Variants in NRG3 observed in about 807,000 individuals in gnomAD.
The protein encoded by NRG3 is neuregulin 3, also known as pro-neuregulin-3, membrane-bound isoform.
In NRG3, 31 loss-of-function variants were observed where a neutral mutation model predicts 66.9. The ratio of observed to expected loss-of-function variants is 0.46; its 90% CI spans 0.35 to 0.63. The LOEUF (loss-of-function observed/expected upper bound fraction) is 0.63. NRG3 is among the 20% of genes least tolerant of loss of function. The pLI is 0.00. For synonymous variants in NRG3, 393 were observed against 359.4 expected (o/e 1.09, Z -1.06); for missense variants, 910 against 878.9 (o/e 1.04, Z -0.45).
intron 2 of NRG3, among the ~76,000 whole-genome samples, chr10:82,725,868 G>A (rs2057567422): frequency 6.6e-6 from 1 of 152,024 alleles, no homozygotes; most frequent in Admixed American, 6.5e-5. Context: ...CCCCTACTTG[G>A]TAACTCCTGT....
chr10:82,648,107 A>G (rs1220366511), intron 2 of NRG3, among the ~76,000 whole-genome samples: 2 of 151,422 alleles, frequency 1.3e-5, no homozygotes, highest in Non-Finnish European at 2.9e-5. Context: ...GGTACTGCCT[A>G]GGTTTTCTTC....
chr10:82,035,444 G>A (rs2062754057), intron 1 of NRG3, among the ~76,000 whole-genome samples: 1 of 152,084 alleles, frequency 6.6e-6, no homozygotes, highest in African/African-American at 2.4e-5. Flanking sequence ...TTTAATGAAA[G>A]TAGAAAATTT....
chr10:82,359,726 CTTTA>C (rs900486075), intron 2 of NRG3, among the ~76,000 whole-genome samples: 3 of 152,016 alleles, frequency 2.0e-5, no homozygotes, highest in Non-Finnish European at 4.4e-5. Context: ...CTTTTCTTCT[CTTTA>C]TTTACTCTTC....
At chr10:82,507,088 A>C (rs1001860240) in intron 2 of NRG3, among the ~76,000 whole-genome samples, 5 of 152,342 alleles carry the variant, frequency 3.3e-5, no homozygotes, top group Admixed American at 3.3e-4. Flanking sequence ...TATTAAGGAC[A>C]AAGGAGAATG....
intron 3 of NRG3, among the ~76,000 whole-genome samples, chr10:82,754,196 T>C (rs1412180704): frequency 4.6e-5 from 7 of 151,910 alleles, no homozygotes; most frequent in Non-Finnish European, 2.9e-5. Context: ...AATGAAAAGA[T>C]ACATAATGAA....
At chr10:82,333,610 T>C (rs1252858463) in intron 1 of NRG3, among the ~76,000 whole-genome samples, 1 of 152,236 alleles carries the variant, frequency 6.6e-6, no homozygotes, top group African/African-American at 2.4e-5. Flanking sequence ...TGTATGCTTA[T>C]ATCATTGATG....
intron 2 of NRG3, among the ~76,000 whole-genome samples, chr10:82,495,859 G>A (rs1386366193): frequency 1.4e-5 from 2 of 147,600 alleles, no homozygotes; most frequent in African/African-American, 5.1e-5. Context: ...CAAAATGCTG[G>A]TGTCCTGCCA....
intron 2 of NRG3, among the ~76,000 whole-genome samples, chr10:82,666,124 T>C (rs1280020291): frequency 6.6e-6 from 1 of 152,080 alleles, no homozygotes; most frequent in Non-Finnish European, 1.5e-5. Context: ...TGCCTCCCAA[T>C]GGCTACTACT....
intron 2 of NRG3, among the ~76,000 whole-genome samples, chr10:82,655,501 T>C (rs1341081993): frequency 6.6e-6 from 1 of 152,140 alleles, no homozygotes; most frequent in Non-Finnish European, 1.5e-5. Context: ...TTCATCCAAT[T>C]GACAGTTGTT....
chr10:82,112,417 T>C (rs1415541952), intron 1 of NRG3, among the ~76,000 whole-genome samples: 4 of 152,086 alleles, frequency 2.6e-5, no homozygotes, highest in Admixed American at 6.6e-5. Context: ...ACAGGCCTCA[T>C]AGGAATCAAA....
intron 1 of NRG3, among the ~76,000 whole-genome samples, chr10:82,252,798 A>C (rs1396868004): frequency 6.6e-6 from 1 of 152,166 alleles, no homozygotes; most frequent in Admixed American, 6.6e-5. Flanking sequence ...AATAGTGGGT[A>C]CAGAATAATG....
At chr10:82,833,883 A>G (rs1176425146) in intron 3 of NRG3, among the ~76,000 whole-genome samples, 1 of 152,216 alleles carries the variant, frequency 6.6e-6, no homozygotes, top group Non-Finnish European at 1.5e-5. Context: ...AAAGAAAGGA[A>G]TATGGCCAAT....
intron 1 of NRG3, among the ~76,000 whole-genome samples, chr10:82,166,304 CCA>C (rs1311957487): frequency 1.3e-5 from 2 of 152,216 alleles, no homozygotes; most frequent in Non-Finnish European, 1.5e-5. Context: ...CAGGCATGAG[CCA>C]CCAGGTCCGG....
At chr10:81,937,860 T>TTTTATAG (rs1380708916) in intron 1 of NRG3, among the ~76,000 whole-genome samples, 1 of 152,120 alleles carries the variant, frequency 6.6e-6, no homozygotes, top group Non-Finnish European at 1.5e-5. Context: ...CATCCAGTAG[T>TTTTATAG]TTTATAGTTT....
chr10:82,044,712 G>A (rs1303575597), intron 1 of NRG3, among the ~76,000 whole-genome samples: 1 of 151,996 alleles, frequency 6.6e-6, no homozygotes, highest in East Asian at 1.9e-4. Context: ...ATCTCCTAAT[G>A]CTATCCCTCC....
chr10:82,927,159 C>T (rs1276115541), intron 4 of NRG3, among the ~76,000 whole-genome samples: 3 of 152,060 alleles, frequency 2.0e-5, no homozygotes, highest in Non-Finnish European at 2.9e-5. Flanking sequence ...TCATAGGTGC[C>T]GCAGAGGCCT....
chr10:82,497,989 A>G (rs918184014), intron 2 of NRG3, among the ~76,000 whole-genome samples: 5 of 151,880 alleles, frequency 3.3e-5, no homozygotes, highest in East Asian at 1.9e-4. Context: ...CTGACTAGTG[A>G]TGTTGCACAT....
rs563486176 is a variant in NRG3 at position 82,517,201 on chromosome 10, T to G, written c.953+158333T>G. Among the ~76,000 whole-genome samples, 3 of 152,288 alleles carry G rather than the reference T, an allele frequency of 2.0e-5. No homozygotes were observed. The South Asian group carries it at 6.2e-4, about 32-fold the overall frequency. Reference sequence around the variant, plus strand: ...CTTCTAGGTCTCCGTGGAAATTTCTTTCTTTTATAGATACCATCTGGCCTA... The same window carrying G: ...CTTCTAGGTCTCCGTGGAAATTTCTGTCTTTTATAGATACCATCTGGCCTA... On this transcript the variant is annotated intron_variant, in intron 2 of 8. Transcript: ENST00000372141.
At position 82,908,815 on chromosome 10, in the gene NRG3, A is replaced by G. The variant is rs531364596; in HGVS notation, c.1055-42654A>G. On this transcript the variant is annotated intron_variant, in intron 4 of 8. Transcript: ENST00000372141. The stretch of plus-strand genomic sequence containing the variant: ...TGAGATAAGAGATTTGTGTTTGGAC[A>G]TACTCTGGGAATGCTCAGATTGCTT... Among the ~76,000 whole-genome samples the G allele has an allele frequency of 2.0e-5, 3 of 148,790 alleles. No homozygotes were observed. The East Asian group carries it at 6.3e-4, about 31-fold the overall frequency.
Sources: allele counts gnomAD v4.1 joint callset (sites outside exome capture counted in the v4.1 genomes callset), GRCh38; gene constraint gnomAD v4.1.1; transcripts MANE v1.5; gene names NCBI Gene and HGNC (gene_info 2026-07-23, HGNC 2026-07-21).